Variants in GRAMD2B observed in about 807,000 individuals in gnomAD.
The protein encoded by GRAMD2B is GRAM domain containing 2B, also known as GRAM domain-containing protein 2B.
Under a neutral mutation model 59.2 loss-of-function variants are expected in GRAMD2B, and 41 were observed. That is an observed-to-expected ratio of 0.69 (90% CI 0.54 to 0.90). GRAMD2B has a LOEUF of 0.90. Ranked by LOEUF, GRAMD2B falls within the 40% of genes least tolerant of loss-of-function variation. GRAMD2B has a pLI of 0.00. For synonymous variants in GRAMD2B, 161 were observed against 182.7 expected (o/e 0.88, Z 0.96); for missense variants, 424 against 500.5 (o/e 0.85, Z 1.46).
chr5:126,372,915 A>G (rs939637791), intron 1 of GRAMD2B, among the ~76,000 whole-genome samples: 5 of 152,178 alleles, frequency 3.3e-5, no homozygotes, highest in Non-Finnish European at 5.9e-5. Flanking sequence ...TTAAATCAAA[A>G]TGTATCAACA....
At chr5:126,407,557 T>C (rs1434674936) in intron 1 of GRAMD2B, among the ~76,000 whole-genome samples, 2 of 152,036 alleles carry the variant, frequency 1.3e-5, no homozygotes, top group Non-Finnish European at 2.9e-5. Flanking sequence ...TGAGATCTAG[T>C]GAGTTAAACG....
At chr5:126,389,538 T>TTTA (rs1554072746) in intron 1 of GRAMD2B, among the ~76,000 whole-genome samples, 2 of 152,322 alleles carry the variant, frequency 1.3e-5, no homozygotes, top group East Asian at 1.9e-4. Flanking sequence ...GAATGGTTTT[T>TTTA]TTATTATTAT....
At chr5:126,418,684 C>T (rs954206001), upstream of GRAMD2B, among the ~76,000 whole-genome samples, 2 of 152,322 alleles carry the variant, frequency 1.3e-5, no homozygotes, top group Admixed American at 6.5e-5. Context: ...TGGTTATATT[C>T]ATTGGGAACC....
Position 126,375,946 on chromosome 5 carries a change from A to T in GRAMD2B, c.125+4379A>T, listed in dbSNP as rs574413675. Reference sequence around the variant, plus strand: ...TTGATAATGTGCACAGTACCTCAAAATTCAAAATTTGCAGAAATCATCGTT... The same window carrying T: ...TTGATAATGTGCACAGTACCTCAAATTTCAAAATTTGCAGAAATCATCGTT... On this transcript the variant is annotated intron_variant, in intron 1 of 8. Transcript: ENST00000506445. Among the ~76,000 whole-genome samples the T allele has an allele frequency of 9.8e-5, 15 of 152,350 alleles. No homozygotes were observed. The South Asian group carries it at 2.9e-3, about 29-fold the overall frequency.
intron 1 of GRAMD2B, among the ~76,000 whole-genome samples, chr5:126,436,226 C>T (rs1332199035): frequency 6.6e-6 from 1 of 152,154 alleles, no homozygotes; most frequent in Non-Finnish European, 1.5e-5. Flanking sequence ...TTTTAATTTA[C>T]TTTATATTCA....
intron 11 of GRAMD2B, among the ~76,000 whole-genome samples, chr5:126,486,308 G>A (rs970855847): frequency 1.3e-5 from 2 of 152,102 alleles, no homozygotes; most frequent in African/African-American, 4.8e-5. Context: ...CTATAATTTT[G>A]TTTTGCCATC....
chr5:126,450,986 A>G (rs1257090144), intron 1 of GRAMD2B, among the ~76,000 whole-genome samples: 1 of 152,258 alleles, frequency 6.6e-6, no homozygotes, highest in Non-Finnish European at 1.5e-5. Flanking sequence ...AGAGTGCCCA[A>G]CAGGGCACTG....
chr5:126,480,414 T>A, intron 6 of GRAMD2B, 42 bp from the exon 7 acceptor site: 1 of 1,433,228 alleles, frequency 7.0e-7, no homozygotes, highest in Non-Finnish European at 9.8e-7. Context: ...TCACTTCTCA[T>A]CCGGCAATAT....
At chr5:126,418,523 TAGA>T (rs1382589213), upstream of GRAMD2B, among the ~76,000 whole-genome samples, 1 of 152,188 alleles carries the variant, frequency 6.6e-6, no homozygotes, top group Non-Finnish European at 1.5e-5. Flanking sequence ...GGAAGAGAAA[TAGA>T]AGATTTCAAA....
intron 1 of GRAMD2B, among the ~76,000 whole-genome samples, chr5:126,364,175 T>C (rs1199094479): frequency 6.6e-6 from 1 of 152,216 alleles, no homozygotes; most frequent in African/African-American, 2.4e-5. Flanking sequence ...GTAGGTACTA[T>C]TATTCCCATT....
chr5:126,492,894 C>T (rs750785254), intron 13 of GRAMD2B, 21 bp from the exon 14 acceptor site: 2 of 1,526,660 alleles, frequency 1.3e-6, no homozygotes, highest in African/African-American at 1.4e-5. Context: ...ATAATAGGAA[C>T]TTCTTTTCTT....
chr5:126,474,560 G>A (rs1276684420), intron 5 of GRAMD2B, among the ~76,000 whole-genome samples: 1 of 152,144 alleles, frequency 6.6e-6, no homozygotes, highest in Non-Finnish European at 1.5e-5. Flanking sequence ...CTTGTTCATG[G>A]AATGGGGAAG....
chr5:126,476,944 G>A (rs1770739398), intron 5 of GRAMD2B, among the ~76,000 whole-genome samples: 1 of 152,158 alleles, frequency 6.6e-6, no homozygotes, highest in South Asian at 2.1e-4. Flanking sequence ...TCAAAAAACT[G>A]AGGCCTAGAA....
At chr5:126,444,105 A>C (rs915024024) in intron 1 of GRAMD2B, among the ~76,000 whole-genome samples, 15 of 151,854 alleles carry the variant, frequency 9.9e-5, no homozygotes, top group African/African-American at 3.1e-4. Context: ...TAATACCACC[A>C]CCACCACCAG....
intron 13 of GRAMD2B, among the ~76,000 whole-genome samples, chr5:126,489,326 A>G (rs914728926): frequency 1.3e-5 from 2 of 152,246 alleles, no homozygotes; most frequent in Non-Finnish European, 2.9e-5. Context: ...TATTAGAACC[A>G]TGGAAGATAG....
chr5:126,400,705 G>A (rs1757753638), intron 1 of GRAMD2B, among the ~76,000 whole-genome samples: 1 of 152,046 alleles, frequency 6.6e-6, no homozygotes, highest in African/African-American at 2.4e-5. Context: ...ATTTCTGAAG[G>A]ACAGCTTTAT....
intron 1 of GRAMD2B, among the ~76,000 whole-genome samples, chr5:126,408,945 C>T (rs1207149182): frequency 6.7e-6 from 1 of 148,732 alleles, no homozygotes; most frequent in Non-Finnish European, 1.5e-5. Flanking sequence ...CGGTGTTTGG[C>T]CTTTTGTTCC....
At chr5:126,402,928 T>C (rs6595702) in intron 1 of GRAMD2B, among the ~76,000 whole-genome samples, 5,069 of 152,060 alleles carry the variant, frequency 0.033, 300 homozygotes, top group African/African-American at 0.12. Context: ...CTCTTTTCCA[T>C]AGGGGCTGAG....
In GRAMD2B at chr5:126,469,686, C is replaced by T; in HGVS notation, c.213C>T (p.Ser71=). 6.2e-7 allele frequency: 1 copy of T among 1,600,086 alleles called. No homozygotes were observed. The highest frequency in any genetic ancestry group is 8.6e-7 in the Non-Finnish European group (1 of 1,168,856). The change falls in exon 3 of 14, where the codon TCC becomes TCT. Residue 71 remains serine (S), a synonymous_variant. Coordinates refer to ENST00000285689, the MANE Select transcript of GRAMD2B (RefSeq NM_023927.4). ...QKKIISLWSK[S]SFDGASLASD... is the part of the protein sequence containing the mutation. ...GACTTTCTTTCTTTAGGTCAAAATC[C>T]AGTTTTGATGGTGCCTCTTTAGCAA...
Sources: allele counts gnomAD v4.1 joint callset (sites outside exome capture counted in the v4.1 genomes callset), GRCh38; gene constraint gnomAD v4.1.1; transcripts MANE v1.5; gene names NCBI Gene and HGNC (gene_info 2026-07-23, HGNC 2026-07-21).